The following EXOC6B variants were observed in gnomAD, a reference collection of about 807,000 sequenced individuals.
EXOC6B encodes exocyst complex component 6B.
A neutral mutation model predicts 113.5 loss-of-function variants in EXOC6B; 54 were observed. The observed-to-expected ratio is 0.48, with a 90% confidence interval of 0.38 to 0.60. EXOC6B has a LOEUF of 0.60. EXOC6B is among the 20% of genes least tolerant of loss of function. EXOC6B has a pLI of 0.00. For missense variants in EXOC6B, 797 were observed against 977.5 expected, an observed-to-expected ratio of 0.82 and a Z score of 2.46; for synonymous variants, 357 against 339.0, an observed-to-expected ratio of 1.05 and a Z score of -0.58.
In EXOC6B at chr2:72,392,812, G is replaced by T. The variant is rs373826040; in HGVS notation, c.1981-12942C>A. Among the ~76,000 whole-genome samples, 5 of 152,056 alleles carry T rather than the reference G, an allele frequency of 3.3e-5. No homozygotes were observed. The East Asian group carries it at 7.8e-4, about 24-fold the overall frequency. On this transcript the variant is annotated intron_variant, in intron 18 of 21. Coordinates refer to ENST00000272427, the MANE Select transcript of EXOC6B (RefSeq NM_015189.3). Reference sequence around the variant, plus strand: ...ATTACAATGGGTCCACATTAGTTTTGCCCTTACTCTGAAAGGACCTTATAC... The same window carrying T: ...ATTACAATGGGTCCACATTAGTTTTTCCCTTACTCTGAAAGGACCTTATAC...
At chr2:72,423,101 G>A (rs1190822653) in intron 18 of EXOC6B, among the ~76,000 whole-genome samples, 2 of 152,044 alleles carry the variant, frequency 1.3e-5, no homozygotes, top group African/African-American at 4.8e-5. Flanking sequence ...TCACCGCGAA[G>A]ATCTGCAGCT....
At chr2:72,689,837 G>C (rs1213293850) in intron 6 of EXOC6B, among the ~76,000 whole-genome samples, 1 of 152,150 alleles carries the variant, frequency 6.6e-6, no homozygotes, top group Non-Finnish European at 1.5e-5. Context: ...AGTTTTCTGG[G>C]ACAATTAAAG....
chr2:72,232,962 C>T (rs977311158), intron 20 of EXOC6B, among the ~76,000 whole-genome samples: 1 of 151,496 alleles, frequency 6.6e-6, no homozygotes, highest in African/African-American at 2.4e-5. Context: ...ATCCTAGGTA[C>T]TTGGGGGGCT....
intron 8 of EXOC6B, among the ~76,000 whole-genome samples, chr2:72,539,066 A>C (rs912049446): frequency 3.3e-5 from 5 of 152,180 alleles, no homozygotes; most frequent in Non-Finnish European, 5.9e-5. Flanking sequence ...CAAAGTATCT[A>C]ACTCACTAGA....
intron 20 of EXOC6B, among the ~76,000 whole-genome samples, chr2:72,267,467 G>A (rs1476177692): frequency 1.3e-5 from 2 of 152,122 alleles, no homozygotes; most frequent in African/African-American, 2.4e-5. Context: ...TTAGCATGAA[G>A]GTTGTTGAAT....
At position 72,514,744 on chromosome 2, in the gene EXOC6B, A is replaced by G. The variant is rs1242210236; in HGVS notation, c.1000-64T>C. Reference sequence around the variant, plus strand: ...TTTGTTACATTAAGACTAAGTTAAAATCAGTCACTTAATCTCTTAAGGCTC... The same window carrying G: ...TTTGTTACATTAAGACTAAGTTAAAGTCAGTCACTTAATCTCTTAAGGCTC... On this transcript the variant is annotated intron_variant, in intron 9 of 21. Transcript: ENST00000272427. 8.0e-6 allele frequency: 8 copies of G among 1,005,698 alleles called. No homozygotes were observed. In the African/African-American group the frequency reaches 1.3e-4, roughly 16 times the overall value. The allele number at this position is 1,005,698 out of a possible 1,614,324, so 62.3% of individuals were successfully genotyped here.
intron 18 of EXOC6B, among the ~76,000 whole-genome samples, chr2:72,434,351 T>C (rs539084338): frequency 2.4e-4 from 36 of 152,356 alleles, no homozygotes; most frequent in African/African-American, 8.4e-4. Context: ...ATCAAGGATA[T>C]TGACCTGAAA....
intron 8 of EXOC6B, among the ~76,000 whole-genome samples, chr2:72,519,351 C>T (rs1298580666): frequency 6.6e-6 from 1 of 152,072 alleles, no homozygotes; most frequent in African/African-American, 2.4e-5. Context: ...ATAGTACCAA[C>T]GTGCTGTCTA....
intron 18 of EXOC6B, among the ~76,000 whole-genome samples, chr2:72,455,176 C>T (rs1364048298): frequency 6.6e-6 from 1 of 152,056 alleles, no homozygotes; most frequent in Non-Finnish European, 1.5e-5. Context: ...ACACCTGAAA[C>T]TTCTTTATTT....
intron 1 of EXOC6B, among the ~76,000 whole-genome samples, chr2:72,800,759 A>G (rs1685231471): frequency 6.6e-6 from 1 of 152,198 alleles, no homozygotes; most frequent in African/African-American, 2.4e-5. Context: ...CTTAACTACT[A>G]CACCACAATA....
chr2:72,462,241 T>C (rs941479830), intron 18 of EXOC6B: 16 of 152,128 alleles, frequency 1.1e-4, no homozygotes, highest in Non-Finnish European at 4.4e-5. Flanking sequence ...AAGACACTTT[T>C]GACACTATAT....
At chr2:72,507,047 T>C (rs958201024) in intron 11 of EXOC6B, among the ~76,000 whole-genome samples, 2 of 152,124 alleles carry the variant, frequency 1.3e-5, no homozygotes, top group Non-Finnish European at 2.9e-5. Flanking sequence ...ACTGAGAATG[T>C]TGCACATATT....
At chr2:72,762,826 AAAT>A (rs1208561614) in intron 1 of EXOC6B, among the ~76,000 whole-genome samples, 11 of 152,086 alleles carry the variant, frequency 7.2e-5, no homozygotes, top group African/African-American at 2.2e-4. Flanking sequence ...TTCAAAGCAA[AAAT>A]AATGATAATG....
intron 7 of EXOC6B, among the ~76,000 whole-genome samples, chr2:72,562,005 A>G (rs1407506620): frequency 6.6e-6 from 1 of 152,018 alleles, no homozygotes; most frequent in Non-Finnish European, 1.5e-5. Flanking sequence ...CTTTACCTCT[A>G]CTCCCAAAAT....
At chr2:72,733,146 T>C in intron 2 of EXOC6B, 28 bp from the exon 3 acceptor site, 2 of 1,501,934 alleles carry the variant, frequency 1.3e-6, no homozygotes, top group East Asian at 2.3e-5. Flanking sequence ...TTTAAACTCA[T>C]AAAAAACAAA....
intron 6 of EXOC6B, among the ~76,000 whole-genome samples, chr2:72,637,858 G>A (rs986869962): frequency 3.3e-5 from 5 of 150,884 alleles, no homozygotes; most frequent in Admixed American, 6.6e-5. Context: ...GGGATACAGC[G>A]AAAGTAGTAC....
chr2:72,673,667 A>T (rs1676071789), intron 6 of EXOC6B, among the ~76,000 whole-genome samples: 1 of 152,074 alleles, frequency 6.6e-6, no homozygotes, highest in African/African-American at 2.4e-5. Context: ...GAAACTTTCA[A>T]TTATAGGTGC....
At position 72,559,437 on chromosome 2, in the gene EXOC6B, C is replaced by A; in HGVS notation, c.915+16G>T. The A allele has an allele frequency of 1.3e-6, 2 of 1,534,100 alleles. No homozygotes were observed. The highest frequency in any genetic ancestry group is 8.8e-7 in the Non-Finnish European group (1 of 1,141,392). On this transcript the variant is annotated intron_variant, in intron 8 of 21. Transcript: ENST00000272427. ...CAATGGACATCTTTATTAGGCAGAG[C>A]CAGATAAAGACTCACCAGGACAGAA...
intron 18 of EXOC6B, among the ~76,000 whole-genome samples, chr2:72,446,975 A>G (rs539233333): frequency 1.3e-5 from 2 of 152,036 alleles, no homozygotes; most frequent in African/African-American, 2.4e-5. Flanking sequence ...GGTGGTGCAC[A>G]TGTCTGTAAT....
Sources: gnomAD v4.1 joint callset for allele counts (sites outside exome capture counted in the v4.1 genomes callset) on GRCh38, gnomAD v4.1.1 for gene constraint, MANE v1.5 for transcripts, NCBI Gene and HGNC (gene_info 2026-07-23, HGNC 2026-07-21) for gene names.